Variants in CAMK4 observed in about 807,000 individuals in gnomAD.
The protein encoded by CAMK4 is calcium/calmodulin dependent protein kinase IV.
CAMK4 carries 22 observed loss-of-function variants against 44.9 expected under a neutral mutation model. That is an observed-to-expected ratio of 0.49 (90% CI 0.35 to 0.70). The LOEUF is 0.70. CAMK4 is among the 30% of genes least tolerant of loss of function. CAMK4 has a pLI of 0.01. For synonymous variants in CAMK4, 218 were observed against 215.4 expected (o/e 1.01, Z -0.11); for missense variants, 498 against 586.8 (o/e 0.85, Z 1.56).
At chr5:111,476,569 G>A (rs1002919869) in intron 8 of CAMK4, among the ~76,000 whole-genome samples, 3 of 151,724 alleles carry the variant, frequency 2.0e-5, no homozygotes, top group East Asian at 3.9e-4. Context: ...GACCCACCGC[G>A]CATGGCCCAC....
chr5:111,464,801 ACTT>A lies in CAMK4; in HGVS notation c.626-8509_626-8507del, dbSNP rs1580788889. On this transcript the variant is annotated intron_variant, in intron 7 of 10. Coordinates refer to ENST00000282356, the MANE Select transcript of CAMK4 (RefSeq NM_001744.6). ...AAGTAAGTGGTTGCCATAATCCTCAACTTAGTTTACATGTATAGAATACATAGA... is the reference window on the plus strand; with the variant it reads ...AAGTAAGTGGTTGCCATAATCCTCAAAGTTTACATGTATAGAATACATAGA... Among the ~76,000 whole-genome samples the A allele has an allele frequency of 3.9e-5, 6 of 152,334 alleles. No homozygotes were observed. In the East Asian group the frequency reaches 1.2e-3, roughly 29 times the overall value.
intron 1 of CAMK4, among the ~76,000 whole-genome samples, chr5:111,310,963 C>G (rs951031716): frequency 6.6e-6 from 1 of 151,970 alleles, no homozygotes; most frequent in Non-Finnish European, 1.5e-5. Context: ...TCACACATAT[C>G]CGTTCTAAGA....
At chr5:111,427,771 C>G (rs772974386) in intron 5 of CAMK4, among the ~76,000 whole-genome samples, 1 of 152,206 alleles carries the variant, frequency 6.6e-6, no homozygotes, top group Non-Finnish European at 1.5e-5. Flanking sequence ...GTTCCTGACT[C>G]CTGGACAGCA....
chr5:111,462,978 A>T (rs893508657), intron 7 of CAMK4, among the ~76,000 whole-genome samples: 12 of 152,198 alleles, frequency 7.9e-5, no homozygotes, highest in Non-Finnish European at 1.6e-4. Flanking sequence ...ATTTTTGTGT[A>T]ATTTTTATAT....
At chr5:111,268,605 G>T (rs1192202660) in intron 1 of CAMK4, among the ~76,000 whole-genome samples, 2 of 152,168 alleles carry the variant, frequency 1.3e-5, no homozygotes, top group African/African-American at 4.8e-5. Flanking sequence ...AGCAAGTTTT[G>T]AGGAAGCTAA....
At chr5:111,389,364 A>C (rs1245631319) in intron 4 of CAMK4, among the ~76,000 whole-genome samples, 4 of 152,218 alleles carry the variant, frequency 2.6e-5, no homozygotes. Flanking sequence ...CATTTAGCTC[A>C]CAGTAGGCAC....
chr5:111,321,151 AT>A (rs1436692242), intron 1 of CAMK4, among the ~76,000 whole-genome samples: 1 of 152,068 alleles, frequency 6.6e-6, no homozygotes, highest in Non-Finnish European at 1.5e-5. Flanking sequence ...TGTTCATGAG[AT>A]TAGAGGAGGC....
intron 1 of CAMK4, among the ~76,000 whole-genome samples, chr5:111,298,202 A>C (rs972825370): frequency 2.0e-5 from 3 of 152,232 alleles, no homozygotes; most frequent in Non-Finnish European, 4.4e-5. Flanking sequence ...TATGTATATA[A>C]GTTCTAAGTA....
At chr5:111,471,521 A>G (rs31617) in intron 7 of CAMK4, among the ~76,000 whole-genome samples, 109,364 of 152,044 alleles carry the variant, frequency 0.72, 40,054 homozygotes, top group Non-Finnish European at 0.79. Context: ...TTTACCATAA[A>G]TTTGATGTTT....
At chr5:111,374,642 A>C (rs540969097) in intron 2 of CAMK4, among the ~76,000 whole-genome samples, 145 of 152,282 alleles carry the variant, frequency 9.5e-4, no homozygotes, top group African/African-American at 3.3e-3. Context: ...GTTGTGATGC[A>C]TACTAGTTTC....
chr5:111,319,029 T>C (rs1748550501), intron 1 of CAMK4, among the ~76,000 whole-genome samples: 1 of 152,148 alleles, frequency 6.6e-6, no homozygotes, highest in Non-Finnish European at 1.5e-5. Flanking sequence ...AAGGAGTTAT[T>C]CATTCAATTT....
At chr5:111,391,060 C>T (rs531276020) in intron 4 of CAMK4, among the ~76,000 whole-genome samples, 65 of 152,256 alleles carry the variant, frequency 4.3e-4, no homozygotes, top group African/African-American at 1.4e-3. Flanking sequence ...ACAAGGGGTG[C>T]ACCTGCAGTA....
chr5:111,437,289 A>G (rs1753679219), intron 5 of CAMK4, among the ~76,000 whole-genome samples: 1 of 152,258 alleles, frequency 6.6e-6, no homozygotes. Context: ...AATGAATAAC[A>G]ACAAATGAAT....
chr5:111,256,794 C>G (rs887946016), intron 1 of CAMK4, among the ~76,000 whole-genome samples: 3 of 152,050 alleles, frequency 2.0e-5, no homozygotes, highest in African/African-American at 4.8e-5. Flanking sequence ...TATTAACTAC[C>G]ATGGGCACAC....
chr5:111,434,385 T>C (rs544843687), intron 5 of CAMK4, among the ~76,000 whole-genome samples: 1 of 151,924 alleles, frequency 6.6e-6, no homozygotes, highest in South Asian at 2.1e-4. Context: ...ATATGAGACA[T>C]ATTTTGGAGG....
At chr5:111,413,024 T>C (rs2112898736) in intron 5 of CAMK4, among the ~76,000 whole-genome samples, 1 of 152,286 alleles carries the variant, frequency 6.6e-6, no homozygotes, top group South Asian at 2.1e-4. Context: ...TGTACGCCGC[T>C]GCTTCAATAA....
chr5:111,329,301 C>T (rs1408593272), intron 1 of CAMK4, among the ~76,000 whole-genome samples: 1 of 151,846 alleles, frequency 6.6e-6, no homozygotes, highest in African/African-American at 2.4e-5. Flanking sequence ...GTAAGCATTC[C>T]CTTTAAAAAT....
chr5:111,425,032 C>T (rs900375737), intron 5 of CAMK4, among the ~76,000 whole-genome samples: 6 of 151,838 alleles, frequency 4.0e-5, no homozygotes, highest in Non-Finnish European at 8.8e-5. Context: ...GGCATGGTGG[C>T]ATGCACTTGT....
chr5:111,260,100 T>C (rs1436475171), intron 1 of CAMK4, among the ~76,000 whole-genome samples: 4 of 152,204 alleles, frequency 2.6e-5, no homozygotes, highest in Non-Finnish European at 5.9e-5. Flanking sequence ...TAAATGTTTC[T>C]CTTGTTCCCT....
Sources: allele counts gnomAD v4.1 joint callset (sites outside exome capture counted in the v4.1 genomes callset), GRCh38; gene constraint gnomAD v4.1.1; transcripts MANE v1.5; gene names NCBI Gene and HGNC (gene_info 2026-07-23, HGNC 2026-07-21).